The following FSTL5 variants were observed in gnomAD, a reference collection of about 807,000 sequenced individuals.
FSTL5 encodes the protein follistatin-related protein 5.
In FSTL5, 62 loss-of-function variants were observed where a neutral mutation model predicts 89.1. The ratio of observed to expected loss-of-function variants is 0.70; its 90% CI spans 0.57 to 0.86. FSTL5 has a LOEUF of 0.86. FSTL5 is among the 40% of genes least tolerant of loss of function. The pLI is 0.00. For synonymous variants in FSTL5, 383 were observed against 346.2 expected (o/e 1.11, Z -1.18); for missense variants, 1,057 against 1,001.6 (o/e 1.06, Z -0.75).
chr4:161,757,862 G>A (rs909760839), intron 6 of FSTL5, among the ~76,000 whole-genome samples: 1 of 151,792 alleles, frequency 6.6e-6, no homozygotes, highest in Non-Finnish European at 1.5e-5. Context: ...TAGGTGATCC[G>A]CCCACCTCAG....
intron 4 of FSTL5, among the ~76,000 whole-genome samples, chr4:161,866,465 A>AGTGT (rs70937692): frequency 0.12 from 15,810 of 131,708 alleles, 1,054 homozygotes; most frequent in African/African-American, 0.15. Context: ...TCTAAGCTGT[A>AGTGT]GTGTGTGTGT....
intron 3 of FSTL5, among the ~76,000 whole-genome samples, chr4:161,968,992 T>C (rs1160051071): frequency 8.4e-6 from 1 of 119,132 alleles, no homozygotes; most frequent in African/African-American, 3.1e-5. Flanking sequence ...CACACACACA[T>C]GCCCAAGGCC....
intron 6 of FSTL5, among the ~76,000 whole-genome samples, chr4:161,745,001 A>C (rs1267144771): frequency 6.6e-6 from 1 of 151,954 alleles, no homozygotes; most frequent in Non-Finnish European, 1.5e-5. Context: ...CGGATCCAGA[A>C]GCAAAAGTGA....
intron 4 of FSTL5, among the ~76,000 whole-genome samples, chr4:161,786,725 A>G (rs1471050300): frequency 6.6e-6 from 1 of 152,136 alleles, no homozygotes; most frequent in Non-Finnish European, 1.5e-5. Flanking sequence ...TCTCTACTAT[A>G]TGATGATTCT....
intron 4 of FSTL5, among the ~76,000 whole-genome samples, chr4:161,801,195 G>A (rs1729780152): frequency 6.6e-6 from 1 of 151,538 alleles, no homozygotes; most frequent in Non-Finnish European, 1.5e-5. Flanking sequence ...TGCATTTATT[G>A]TAAGGGGGCA....
intron 3 of FSTL5, among the ~76,000 whole-genome samples, chr4:161,961,993 T>C (rs1418771261): frequency 6.6e-6 from 1 of 151,896 alleles, no homozygotes; most frequent in Non-Finnish European, 1.5e-5. Context: ...CATATGCAAA[T>C]ATATTATGTG....
chr4:161,837,156 A>G (rs1731072964), intron 4 of FSTL5, among the ~76,000 whole-genome samples: 1 of 152,198 alleles, frequency 6.6e-6, no homozygotes, highest in South Asian at 2.1e-4. Context: ...AATTCTTTAG[A>G]ACATCAACAG....
intron 6 of FSTL5, among the ~76,000 whole-genome samples, chr4:161,709,457 C>A (rs1275346150): frequency 6.6e-6 from 1 of 152,056 alleles, no homozygotes; most frequent in Non-Finnish European, 1.5e-5. Context: ...CTGAGAGATA[C>A]AATAAATTCC....
intron 12 of FSTL5, among the ~76,000 whole-genome samples, chr4:161,499,150 C>T (rs1030752569): frequency 1.3e-5 from 2 of 151,952 alleles, no homozygotes; most frequent in African/African-American, 2.4e-5. Context: ...TGCAGTGAGC[C>T]GAGATCACTC....
At chr4:161,536,937 G>A (rs952529289) in intron 10 of FSTL5, among the ~76,000 whole-genome samples, 2 of 152,064 alleles carry the variant, frequency 1.3e-5, no homozygotes, top group African/African-American at 4.8e-5. Flanking sequence ...GTTAGTATTG[G>A]CTGTACCACA....
At chr4:161,800,498 G>GA (rs1729758116) in intron 4 of FSTL5, among the ~76,000 whole-genome samples, 1 of 151,612 alleles carries the variant, frequency 6.6e-6, no homozygotes, top group Admixed American at 6.6e-5. Flanking sequence ...TTTGAAAAGA[G>GA]AAAATCTTCC....
Position 161,796,828 on chromosome 4 carries a change from T to C in FSTL5, c.410-20754A>G, listed in dbSNP as rs138325674. Among the ~76,000 whole-genome samples the C allele has an allele frequency of 8.9e-3, 1,356 of 151,702 alleles. 12 individuals carry two copies. The highest frequency in any genetic ancestry group is 0.026 in the African/African-American group (1,069 of 41,536). On this transcript the variant is annotated intron_variant, in intron 4 of 15. Transcript: ENST00000306100. ...TATTCATTAATAGCCAAGTATTTCATGAAATTATTATCTTACTCTCATTTC... is the reference window on the plus strand; with the variant it reads ...TATTCATTAATAGCCAAGTATTTCACGAAATTATTATCTTACTCTCATTTC...
intron 2 of FSTL5, among the ~76,000 whole-genome samples, chr4:162,102,793 G>T (rs939029976): frequency 7.4e-6 from 1 of 135,926 alleles, no homozygotes; most frequent in Admixed American, 7.4e-5. Flanking sequence ...TATATATGGA[G>T]TGATCTGGAC....
intron 4 of FSTL5, among the ~76,000 whole-genome samples, chr4:161,898,190 A>G (rs907001299): frequency 2.7e-5 from 4 of 149,182 alleles, no homozygotes; most frequent in Admixed American, 1.3e-4. Context: ...AATATATTTT[A>G]AAATACTAAT....
chr4:162,037,175 A>G (rs1165749683), intron 2 of FSTL5, among the ~76,000 whole-genome samples: 1 of 151,854 alleles, frequency 6.6e-6, no homozygotes, highest in East Asian at 1.9e-4. Context: ...ATGGTTATTG[A>G]AAGGGTGGGT....
At position 161,621,635 on chromosome 4, in the gene FSTL5, T is replaced by C. The variant is rs547177200; in HGVS notation, c.895-34060A>G. On this transcript the variant is annotated intron_variant, in intron 7 of 15. Transcript: ENST00000306100. The stretch of plus-strand genomic sequence containing the variant: ...TATTTACTTGAAAAGATTGTTAAAA[T>C]TGATAAACTCCCCTAAGATTCATAA... 6.6e-5 allele frequency among the ~76,000 whole-genome samples: 10 copies of C among 152,142 alleles called. No homozygotes were observed. In the East Asian group the frequency reaches 1.5e-3, roughly 24 times the overall value.
Position 161,481,034 on chromosome 4 carries a change from G to C in FSTL5, c.1594C>G (p.Gln532Glu). 1 of 1,608,242 alleles carries C rather than the reference G, an allele frequency of 6.2e-7. No individual in the cohort carries two copies. The highest frequency in any genetic ancestry group is 8.5e-7 in the Non-Finnish European group (1 of 1,177,742). ...ATTATTCATACCTGAACAACTTTTT[G>C]GGACTGCACATCAACAATAAGGACT... ...DRVLIVDVQS[Q>E]KVVQAVSTDP... Residue 532 changes from glutamine (Q) to glutamate (E), a missense_variant, in exon 13 of 16, where the codon CAA becomes GAA. Gln to Glu is a conservative substitution (Grantham distance 29). Around this residue, in one of 3 missense-constraint regions of FSTL5, gnomAD observed 980 missense variants for 903.2 expected, o/e 1.08. Transcript: ENST00000306100.
At chr4:161,858,588 T>C (rs978101178) in intron 4 of FSTL5, among the ~76,000 whole-genome samples, 1 of 152,212 alleles carries the variant, frequency 6.6e-6, no homozygotes, top group African/African-American at 2.4e-5. Context: ...CTTCTAAATA[T>C]ACTATTTTAA....
intron 12 of FSTL5, among the ~76,000 whole-genome samples, chr4:161,489,249 C>T (rs1729784959): frequency 6.6e-6 from 1 of 151,960 alleles, no homozygotes; most frequent in Admixed American, 6.6e-5. Flanking sequence ...AGCTGAAATC[C>T]TGGCTAGGGG....
Sources: gnomAD v4.1 joint callset for allele counts (sites outside exome capture counted in the v4.1 genomes callset) on GRCh38, gnomAD v4.1.1 for gene constraint, gnomAD v4.1.1 regional missense constraint, MANE v1.5 for transcripts, NCBI Gene and HGNC (gene_info 2026-07-23, HGNC 2026-07-21) for gene names.